The following C2orf42 variants were observed in gnomAD, a reference collection of about 807,000 sequenced individuals.
C2orf42 encodes uncharacterized protein C2orf42.
Under a neutral mutation model 58.9 loss-of-function variants are expected in C2orf42, and 44 were observed. The ratio of observed to expected loss-of-function variants is 0.75; its 90% CI spans 0.59 to 0.96. C2orf42 has a LOEUF of 0.96. C2orf42 is among the 40% of genes least tolerant of loss of function. The pLI is 0.00. For missense variants in C2orf42, 630 were observed against 699.2 expected, an observed-to-expected ratio of 0.90 and a Z score of 1.12; for synonymous variants, 239 against 265.4, an observed-to-expected ratio of 0.90 and a Z score of 0.97.
chr2:70,182,722 A>T lies in C2orf42; in HGVS notation c.-68T>A, dbSNP rs1424304944. 6.6e-6 allele frequency: 1 copy of T among 152,196 alleles called. No individual in the cohort carries two copies. Among genetic ancestry groups the T allele is most frequent in the East Asian group, 1.9e-4 (1 of 5,200 alleles). The allele number at this position is 152,196 out of a possible 1,614,324, so 9.4% of individuals were successfully genotyped here. On this transcript the variant is annotated 5_prime_UTR_variant, in exon 2 of 10. An upstream open reading frame in the 5' UTR gains an earlier in-frame stop. Coordinates refer to ENST00000264434, the MANE Select transcript of C2orf42 (RefSeq NM_017880.3). ...AGTGTAACCTGAATTCATAAGACTT[A>T]AAAGGTGTTTCATTAGTTTCTAATG...
intron 6 of C2orf42, among the ~76,000 whole-genome samples, chr2:70,166,360 GA>G (rs369358138): frequency 1.5e-4 from 21 of 139,550 alleles, no homozygotes; most frequent in Non-Finnish European, 2.9e-4. Context: ...CCTCAAAAAG[GA>G]AAAAAAAAGA....
intron 6 of C2orf42, among the ~76,000 whole-genome samples, chr2:70,165,976 T>C (rs13005117): frequency 0.22 from 32,761 of 151,526 alleles, 3,813 homozygotes; most frequent in Non-Finnish European, 0.24. Context: ...CTGCAACCTC[T>C]GCCTCCCGGG....
chr2:70,170,906 G>A (rs932257750), intron 5 of C2orf42, among the ~76,000 whole-genome samples: 3 of 152,048 alleles, frequency 2.0e-5, no homozygotes, highest in East Asian at 3.9e-4. Context: ...ATGAGGTCAG[G>A]AGATCGAGAC....
intron 6 of C2orf42, 68 bp from the exon 7 acceptor site, chr2:70,165,703 G>T: frequency 1.2e-6 from 1 of 853,632 alleles, no homozygotes; most frequent in Non-Finnish European, 2.0e-6. Context: ...ACAGGGAGAG[G>T]TGAAAGAAAA....
intron 5 of C2orf42, 98 bp from the exon 6 acceptor site, chr2:70,169,759 T>C: frequency 1.5e-6 from 1 of 665,238 alleles, no homozygotes; most frequent in Admixed American, 2.6e-5. Context: ...AGTTTTTTTA[T>C]TTTTATTTTA....
In C2orf42 at chr2:70,150,286, T is replaced by G; in HGVS notation, c.*70A>C. 1 of 1,345,676 alleles carries G rather than the reference T, an allele frequency of 7.4e-7. No individual in the cohort carries two copies. Among genetic ancestry groups the G allele is most frequent in the Non-Finnish European group, 1.1e-6 (1 of 946,994 alleles). 83.4% of individuals were successfully genotyped at this position (1,345,676 alleles called of 1,614,324 possible). ...GAACAGGGCCATCTAAGTGCCTAAC[T>G]AGCATTTAAAGTTGTCAAGGGGTGG... On this transcript the variant is annotated 3_prime_UTR_variant, in exon 10 of 10. Transcript: ENST00000264434.
intron 8 of C2orf42, among the ~76,000 whole-genome samples, chr2:70,163,615 C>A (rs1009111245): frequency 6.6e-6 from 1 of 151,978 alleles, no homozygotes; most frequent in Non-Finnish European, 1.5e-5. Flanking sequence ...TTTGGGAAGC[C>A]AAGGTGGGCG....
intron 4 of C2orf42, among the ~76,000 whole-genome samples, chr2:70,178,716 C>T (rs919623076): frequency 3.9e-5 from 6 of 152,026 alleles, no homozygotes; most frequent in Non-Finnish European, 7.4e-5. Context: ...GGGTGGATCA[C>T]CTGAGGTCAG....
intron 1 of C2orf42, among the ~76,000 whole-genome samples, chr2:70,187,498 C>T (rs1489176726): frequency 6.6e-6 from 1 of 152,066 alleles, no homozygotes; most frequent in Admixed American, 6.6e-5. Flanking sequence ...AGTGATCTGC[C>T]TGCCTCGGCC....
At chr2:70,166,808 G>C (rs550115597) in intron 6 of C2orf42, among the ~76,000 whole-genome samples, 2 of 152,164 alleles carry the variant, frequency 1.3e-5, no homozygotes, top group South Asian at 4.1e-4. Flanking sequence ...AAGGGTATGC[G>C]AAGTAAGATG....
chr2:70,179,902 G>A (rs1389927465), intron 3 of C2orf42, among the ~76,000 whole-genome samples: 1 of 151,964 alleles, frequency 6.6e-6, no homozygotes, highest in African/African-American at 2.4e-5. Context: ...TTATGTCACT[G>A]CATGCCAGCC....
At chr2:70,183,517 C>T (rs1212571896) in intron 1 of C2orf42, among the ~76,000 whole-genome samples, 1 of 151,554 alleles carries the variant, frequency 6.6e-6, no homozygotes, top group Admixed American at 6.6e-5. Flanking sequence ...GCAACCTCCA[C>T]TTCCCAGATT....
chr2:70,166,872 G>A (rs974335935), intron 6 of C2orf42, among the ~76,000 whole-genome samples: 10 of 152,182 alleles, frequency 6.6e-5, no homozygotes, highest in African/African-American at 1.7e-4. Context: ...CCTTTTGCTC[G>A]CTATCCCCAG....
In C2orf42 at chr2:70,160,681, C is replaced by T. The variant is rs35340595; in HGVS notation, c.1460G>A (p.Arg487His). 906 of 1,612,882 alleles carry T rather than the reference C, an allele frequency of 5.6e-4. 8 individuals are homozygous for T. In the African/African-American group the frequency reaches 0.011, roughly 19 times the overall value. Residue 487 changes from arginine (R) to histidine (H), a missense_variant, in exon 9 of 10, where the codon CGT becomes CAT. Physicochemically the swap from Arg to His is conservative, Grantham distance 29 (BLOSUM62 0). Coordinates refer to ENST00000264434, the MANE Select transcript of C2orf42 (RefSeq NM_017880.3). The stretch of plus-strand genomic sequence containing the variant: ...TCGCAGCACTGGTTGTTTTTCTATA[C>T]GACCGTAGGTTTCTGCTATGCTTTC... ...EVESIAETYG[R>H]IEKQPVLRPL...
chr2:70,162,280 G>T (rs1294529239), intron 8 of C2orf42, among the ~76,000 whole-genome samples: 1 of 151,580 alleles, frequency 6.6e-6, no homozygotes, highest in Non-Finnish European at 1.5e-5. Flanking sequence ...CAAAGTGCTG[G>T]GATTACAGGC....
intron 1 of C2orf42, among the ~76,000 whole-genome samples, chr2:70,184,340 C>A (rs1195763463): frequency 6.6e-6 from 1 of 151,844 alleles, no homozygotes; most frequent in Non-Finnish European, 1.5e-5. Flanking sequence ...AATTCTCTGG[C>A]TAATTTTTGT....
At chr2:70,165,925 C>G (rs1673369568) in intron 6 of C2orf42, among the ~76,000 whole-genome samples, 1 of 151,898 alleles carries the variant, frequency 6.6e-6, no homozygotes, top group Non-Finnish European at 1.5e-5. Context: ...GAGTCTCACT[C>G]TGTTGCCCAG....
rs562958111 is a variant in C2orf42 at position 70,159,279 on chromosome 2, G to T, written c.1516+1346C>A. Among the ~76,000 whole-genome samples, 27 of 152,130 alleles carry T rather than the reference G, an allele frequency of 1.8e-4. No individual in the cohort carries two copies. In the Middle Eastern group the frequency reaches 0.014, roughly 77 times the overall value. The stretch of plus-strand genomic sequence containing the variant: ...AAAAGAGAAATTATTGTAGACAAAA[G>T]AAGGAAATAATTTAAAGCAAATTTA... On this transcript the variant is annotated intron_variant, in intron 9 of 9. Transcript: ENST00000264434.
At chr2:70,160,898 T>C in intron 8 of C2orf42, 111 bp from the exon 9 acceptor site, 1 of 662,520 alleles carries the variant, frequency 1.5e-6, no homozygotes, top group Non-Finnish European at 2.4e-6. Context: ...TTAAGTATAT[T>C]CAAATGAATT....
Sources: allele counts gnomAD v4.1 joint callset (sites outside exome capture counted in the v4.1 genomes callset), GRCh38; gene constraint gnomAD v4.1.1; transcripts MANE v1.5; gene names NCBI Gene and HGNC (gene_info 2026-07-23, HGNC 2026-07-21).